COL23A1: variants seen among roughly 807,000 people sequenced by gnomAD.
COL23A1 encodes collagen type XXIII alpha 1 chain.
In COL23A1, 97 loss-of-function variants were observed where a neutral mutation model predicts 99.3. The observed-to-expected ratio is 0.98, with a 90% confidence interval of 0.83 to 1.16. The LOEUF is 1.16. COL23A1 is among the 50% of genes most tolerant of loss of function. The pLI is 0.00. For synonymous variants in COL23A1, 320 were observed against 308.2 expected (o/e 1.04, Z -0.40); for missense variants, 762 against 757.4 (o/e 1.01, Z -0.07).
At chr5:178,486,554 C>T (rs1023109931) in intron 2 of COL23A1, among the ~76,000 whole-genome samples, 4 of 151,790 alleles carry the variant, frequency 2.6e-5, no homozygotes, top group South Asian at 2.1e-4. Flanking sequence ...AAAAAAGAAA[C>T]GAATAATTGG....
intron 28 of COL23A1, 118 bp downstream of exon 28, chr5:178,239,023 C>G (rs573891171): frequency 2.5e-6 from 3 of 1,179,584 alleles, no homozygotes; most frequent in Non-Finnish European, 3.8e-6. Context: ...AGTCACTGTG[C>G]GAGAAGCCGC....
intron 2 of COL23A1, among the ~76,000 whole-genome samples, chr5:178,430,414 T>C (rs1266654702): frequency 2.0e-5 from 3 of 152,162 alleles, no homozygotes; most frequent in South Asian, 2.1e-4. Context: ...CTGGGGCTCA[T>C]AGTCCCCTGG....
Position 178,590,072 on chromosome 5 carries a change from C to G in COL23A1, c.126G>C (p.Leu42=). The G allele has an allele frequency of 7.5e-7, 1 of 1,327,996 alleles. No homozygotes were observed. 82.3% of individuals were successfully genotyped at this position (1,327,996 alleles called of 1,614,324 possible). A position where few individuals can be genotyped will look rare whatever the true frequency, so the allele number is the denominator to read the frequency against. Residue 42 remains leucine (L), a synonymous_variant, in exon 1 of 29, where the codon CTG becomes CTC. Coordinates refer to ENST00000390654, the MANE Select transcript of COL23A1 (RefSeq NM_173465.4). This position sits in a 1 kb window ranked among gnomAD's most constrained non-coding sequence, Gnocchi z 5.7. ...GSRAVSALCL[L]LSVGSAAACL... ...AGGCAGCCGCCGAGCCCACGGAGAGCAGCAGGCACAGCGCGCTCACCGCCC... is the reference window on the plus strand; with the variant it reads ...AGGCAGCCGCCGAGCCCACGGAGAGGAGCAGGCACAGCGCGCTCACCGCCC...
At chr5:178,358,098 A>G (rs1761846015) in intron 2 of COL23A1, among the ~76,000 whole-genome samples, 1 of 141,426 alleles carries the variant, frequency 7.1e-6, no homozygotes, top group African/African-American at 2.7e-5. Context: ...GTGTAGGTCT[A>G]ATGTGTGTGT....
chr5:178,242,773 T>G (rs1197818529), intron 25 of COL23A1, among the ~76,000 whole-genome samples: 1 of 152,222 alleles, frequency 6.6e-6, no homozygotes, highest in Non-Finnish European at 1.5e-5. Context: ...TGGTGATCTC[T>G]GTTCTGTGCC....
At chr5:178,364,276 C>A (rs1581235591) in intron 2 of COL23A1, among the ~76,000 whole-genome samples, 1 of 152,144 alleles carries the variant, frequency 6.6e-6, no homozygotes, top group East Asian at 1.9e-4. Flanking sequence ...AACTGCCTGG[C>A]CCCCGCCCCT....
At chr5:178,561,140 G>A (rs1205725947) in intron 1 of COL23A1, among the ~76,000 whole-genome samples, 3 of 152,166 alleles carry the variant, frequency 2.0e-5, no homozygotes, top group South Asian at 2.1e-4. Context: ...TGCTCCAGGC[G>A]GCTTTCTGCA....
chr5:178,404,904 C>T (rs1208953495), intron 2 of COL23A1, among the ~76,000 whole-genome samples: 1 of 152,218 alleles, frequency 6.6e-6, no homozygotes, highest in Admixed American at 6.5e-5. Flanking sequence ...CAAGAATGAG[C>T]TCACTATGCA....
chr5:178,391,562 A>G (rs556423667), intron 2 of COL23A1, among the ~76,000 whole-genome samples: 1 of 152,356 alleles, frequency 6.6e-6, no homozygotes, highest in South Asian at 2.1e-4. Flanking sequence ...TGGCCAGAAT[A>G]AAAGAGTCAG....
intron 2 of COL23A1, among the ~76,000 whole-genome samples, chr5:178,422,328 A>G (rs1281146890): frequency 6.6e-6 from 1 of 152,036 alleles, no homozygotes; most frequent in Non-Finnish European, 1.5e-5. Flanking sequence ...AGGCAGCTGC[A>G]TTTTCCCAAA....
chr5:178,387,985 C>T lies in COL23A1; in HGVS notation c.362-81066G>A, dbSNP rs1763763101. Among the ~76,000 whole-genome samples the T allele has an allele frequency of 6.6e-6, 1 of 152,112 alleles. No homozygotes were observed. The highest frequency in any genetic ancestry group is 2.4e-5 in the African/African-American group (1 of 41,412). Reference sequence around the variant, plus strand: ...GGGAGGAGATTGATGCAGAAAGCCCCCCGCCACCATGGCCACCGCCCACCG... The same window carrying T: ...GGGAGGAGATTGATGCAGAAAGCCCTCCGCCACCATGGCCACCGCCCACCG... On this transcript the variant is annotated intron_variant, in intron 2 of 28. Coordinates refer to ENST00000390654, the MANE Select transcript of COL23A1 (RefSeq NM_173465.4). This position sits in a 1 kb window ranked among gnomAD's most constrained non-coding sequence, Gnocchi z 4.7.
At chr5:178,321,881 C>T (rs918190833) in intron 2 of COL23A1, among the ~76,000 whole-genome samples, 2 of 152,052 alleles carry the variant, frequency 1.3e-5, no homozygotes, top group African/African-American at 2.4e-5. Flanking sequence ...GTGGCACGAT[C>T]TTGGCTCACT....
At chr5:178,383,165 G>A (rs1763475505) in intron 2 of COL23A1, among the ~76,000 whole-genome samples, 1 of 152,170 alleles carries the variant, frequency 6.6e-6, no homozygotes, top group Non-Finnish European at 1.5e-5. Flanking sequence ...CCAGCTCTGG[G>A]TGCAGCCCAG....
chr5:178,588,028 G>A (rs1016863934), intron 1 of COL23A1, among the ~76,000 whole-genome samples: 1 of 152,156 alleles, frequency 6.6e-6, no homozygotes, highest in African/African-American at 2.4e-5. Flanking sequence ...TACCCAGCTG[G>A]GATTAGCGAG....
intron 2 of COL23A1, among the ~76,000 whole-genome samples, chr5:178,486,846 G>A (rs1757658828): frequency 1.3e-5 from 2 of 152,204 alleles, no homozygotes; most frequent in South Asian, 4.1e-4. Context: ...TGGACTTCAA[G>A]CTGATGCTAA....
rs1760410400 is a variant in COL23A1, at chr5:178,527,979, T to A, written c.361+32703A>T. ...ATGAATCAGAAACACCTGGACACTTTTCTTAAAATAAAACCGAATTTCACA... is the reference window on the plus strand; with the variant it reads ...ATGAATCAGAAACACCTGGACACTTATCTTAAAATAAAACCGAATTTCACA... On this transcript the variant is annotated intron_variant, in intron 2 of 28. Transcript: ENST00000390654. 2.6e-5 allele frequency among the ~76,000 whole-genome samples: 4 copies of A among 152,224 alleles called. No homozygotes were observed. In the South Asian group the frequency reaches 8.3e-4, roughly 32 times the overall value.
At chr5:178,573,784 A>C (rs1312070479) in intron 1 of COL23A1, among the ~76,000 whole-genome samples, 1 of 152,222 alleles carries the variant, frequency 6.6e-6, no homozygotes, top group Non-Finnish European at 1.5e-5. Flanking sequence ...GTGCAAATAC[A>C]TGAATAAATC....
chr5:178,537,142 G>T (rs529996389), intron 2 of COL23A1, among the ~76,000 whole-genome samples: 15 of 152,324 alleles, frequency 9.8e-5, no homozygotes, highest in African/African-American at 3.4e-4. Flanking sequence ...GAGGGAGGGG[G>T]TCCCACATAC....
intron 5 of COL23A1, among the ~76,000 whole-genome samples, chr5:178,277,916 A>G (rs771436811): frequency 5.3e-5 from 8 of 152,092 alleles, no homozygotes; most frequent in Non-Finnish European, 1.0e-4. Context: ...GGGGTGAGGG[A>G]GGATGGAGGA....
Sources: allele counts gnomAD v4.1 joint callset (sites outside exome capture counted in the v4.1 genomes callset), GRCh38; gene constraint gnomAD v4.1.1; non-coding constraint Gnocchi (gnomAD v3.1); transcripts MANE v1.5; gene names NCBI Gene and HGNC (gene_info 2026-07-23, HGNC 2026-07-21).